The following CCSER1 variants were observed in gnomAD, a reference collection of about 807,000 sequenced individuals.
CCSER1 encodes the protein coiled-coil serine rich protein 1, also known as serine-rich coiled-coil domain-containing protein 1.
CCSER1 carries 41 observed loss-of-function variants against 82.0 expected under a neutral mutation model. The observed-to-expected ratio is 0.50, with a 90% CI of 0.39 to 0.65. The LOEUF is 0.65. CCSER1 is among the 30% of genes least tolerant of loss of function. The pLI is 0.00. For missense variants in CCSER1, 1,119 were observed against 1,064.2 expected (o/e 1.05, Z -0.72); for synonymous variants, 414 against 383.9 (o/e 1.08, Z -0.92).
intron 10 of CCSER1, among the ~76,000 whole-genome samples, chr4:91,187,944 GAA>G (rs775087713): frequency 8.6e-5 from 13 of 151,864 alleles, no homozygotes; most frequent in Non-Finnish European, 1.6e-4. Flanking sequence ...TGAATCATGA[GAA>G]GTTTTTTTTT....
At chr4:90,271,577 T>C (rs1488908660) in intron 1 of CCSER1, among the ~76,000 whole-genome samples, 3 of 151,682 alleles carry the variant, frequency 2.0e-5, no homozygotes, top group Non-Finnish European at 4.4e-5. Context: ...GAAATTGAAC[T>C]GGGCAAAGAT....
At chr4:90,391,444 G>GTATATATATATA (rs770320334) in intron 3 of CCSER1, among the ~76,000 whole-genome samples, 13 of 37,486 alleles carry the variant, frequency 3.5e-4, no homozygotes, top group East Asian at 1.1e-3. Context: ...ATATATGGGG[G>GTATATATATATA]TATATATATA....
intron 6 of CCSER1, among the ~76,000 whole-genome samples, chr4:90,714,842 G>T (rs961223318): frequency 6.6e-6 from 1 of 151,832 alleles, no homozygotes; most frequent in East Asian, 1.9e-4. Flanking sequence ...ATAAAATTAG[G>T]TATTTATCTT....
At chr4:91,382,610 C>A (rs1259820358) in intron 10 of CCSER1, among the ~76,000 whole-genome samples, 2 of 152,176 alleles carry the variant, frequency 1.3e-5, no homozygotes, top group African/African-American at 4.8e-5. Flanking sequence ...TCTGCCACAG[C>A]TTCCCTTGGC....
At chr4:91,434,672 C>T (rs1754540282) in intron 10 of CCSER1, among the ~76,000 whole-genome samples, 1 of 152,098 alleles carries the variant, frequency 6.6e-6, no homozygotes. Context: ...TCTATTTTAT[C>T]TCATAAATAT....
intron 5 of CCSER1, among the ~76,000 whole-genome samples, chr4:90,523,568 G>A (rs1366556656): frequency 6.6e-6 from 1 of 152,092 alleles, no homozygotes; most frequent in Non-Finnish European, 1.5e-5. Flanking sequence ...AATAGCATGG[G>A]ATTTGAGAAT....
At chr4:90,781,550 A>G (rs1197434525) in intron 7 of CCSER1, 2 of 979,704 alleles carry the variant, frequency 2.0e-6, no homozygotes, top group South Asian at 4.7e-5. Context: ...TTGATAAAAT[A>G]TGAAATACAT....
chr4:91,335,657 T>C (rs1295769716), intron 10 of CCSER1, among the ~76,000 whole-genome samples: 2 of 152,038 alleles, frequency 1.3e-5, no homozygotes, highest in Non-Finnish European at 2.9e-5. Context: ...CTTCTTTCAG[T>C]GGAGCTGATA....
intron 1 of CCSER1, among the ~76,000 whole-genome samples, chr4:90,258,497 G>A (rs1329203464): frequency 6.6e-6 from 1 of 152,010 alleles, no homozygotes; most frequent in Non-Finnish European, 1.5e-5. Flanking sequence ...GGCGAAAGGT[G>A]AGACTCCATC....
At chr4:90,873,832 T>A (rs1161799304) in intron 8 of CCSER1, among the ~76,000 whole-genome samples, 1 of 152,156 alleles carries the variant, frequency 6.6e-6, no homozygotes, top group Non-Finnish European at 1.5e-5. Context: ...CTGGTTCTAT[T>A]TTTCTCTTTG....
chr4:91,170,350 T>A (rs1367168005), intron 10 of CCSER1, among the ~76,000 whole-genome samples: 2 of 151,936 alleles, frequency 1.3e-5, no homozygotes, highest in Admixed American at 1.3e-4. Context: ...TATACAAATC[T>A]AATAAAAAGG....
intron 10 of CCSER1, among the ~76,000 whole-genome samples, chr4:91,133,594 T>C (rs1280841421): frequency 6.6e-6 from 1 of 152,170 alleles, no homozygotes; most frequent in Admixed American, 6.5e-5. Context: ...GATGAGATAA[T>C]GTGTATGTGT....
intron 7 of CCSER1, chr4:90,781,981 A>C: frequency 1.1e-6 from 1 of 882,272 alleles, no homozygotes; most frequent in Non-Finnish European, 1.4e-6. Flanking sequence ...ACAAAAATAA[A>C]ATGAAGAACA....
At chr4:90,176,452 T>C (rs112799583) in intron 1 of CCSER1, among the ~76,000 whole-genome samples, 4,597 of 152,116 alleles carry the variant, frequency 0.03, 103 homozygotes, top group Non-Finnish European at 0.045. Flanking sequence ...ACATAGTGAA[T>C]AGGTCTCTAC....
Position 90,657,397 on chromosome 4 carries a change from C to A in CCSER1, c.1932+29165C>A, listed in dbSNP as rs139722758. 5.5e-3 allele frequency among the ~76,000 whole-genome samples: 842 copies of A among 152,078 alleles called. 10 individuals are homozygous for A. Among genetic ancestry groups the A allele is most frequent in the African/African-American group, 0.019 (802 of 41,508 alleles). On this transcript the variant is annotated intron_variant, in intron 6 of 10. Transcript: ENST00000509176. ...CTTTACATAGAATTTTATTTGTTTG[C>A]TGTTTATGTTATTTACATCTGTGGC... is the stretch of plus-strand genomic sequence containing the variant.
intron 1 of CCSER1, among the ~76,000 whole-genome samples, chr4:90,165,335 A>G (rs1315227778): frequency 2.0e-5 from 3 of 152,110 alleles, no homozygotes; most frequent in Non-Finnish European, 4.4e-5. Context: ...AAAGGATTTT[A>G]ATGTAACTGC....
At chr4:91,526,143 A>G (rs886549808) in intron 10 of CCSER1, among the ~76,000 whole-genome samples, 2 of 152,284 alleles carry the variant, frequency 1.3e-5, no homozygotes, top group Admixed American at 1.3e-4. Context: ...TAAGTCCCAT[A>G]AGAAAATATT....
chr4:91,353,271 G>T (rs150908681), intron 10 of CCSER1, among the ~76,000 whole-genome samples: 15,463 of 150,792 alleles, frequency 0.1, 1,035 homozygotes, highest in Middle Eastern at 0.17. Flanking sequence ...CAACACTAAA[G>T]ATTTCACATG....
intron 10 of CCSER1, among the ~76,000 whole-genome samples, chr4:91,186,172 G>T (rs532326307): frequency 6.6e-6 from 1 of 152,098 alleles, no homozygotes; most frequent in Non-Finnish European, 1.5e-5. Flanking sequence ...AGATCTGGAG[G>T]GTCTTTTTCT....
Sources: allele counts gnomAD v4.1 joint callset (sites outside exome capture counted in the v4.1 genomes callset), GRCh38; gene constraint gnomAD v4.1.1; transcripts MANE v1.5; gene names NCBI Gene and HGNC (gene_info 2026-07-23, HGNC 2026-07-21).